The following CNTNAP2 variants were observed in gnomAD, a reference collection of about 807,000 sequenced individuals.
The protein encoded by CNTNAP2 is contactin associated protein 2.
A neutral mutation model predicts 155.2 loss-of-function variants in CNTNAP2; 98 were observed. The ratio of observed to expected loss-of-function variants is 0.63; its 90% CI spans 0.54 to 0.75. The LOEUF is 0.75. CNTNAP2 is among the 30% of genes least tolerant of loss of function. The probability of loss-of-function intolerance (pLI) is 0.00; values close to 1 mark genes in which losing one functional copy is unlikely to be tolerated. For missense variants in CNTNAP2, 1,727 were observed against 1,688.1 expected, an observed-to-expected ratio of 1.02 and a Z score of -0.40; for synonymous variants, 651 against 631.2, an observed-to-expected ratio of 1.03 and a Z score of -0.47.
intron 3 of CNTNAP2, among the ~76,000 whole-genome samples, chr7:146,983,220 A>C (rs1047379792): frequency 1.3e-5 from 2 of 152,190 alleles, no homozygotes; most frequent in African/African-American, 4.8e-5. Flanking sequence ...TTCTGCTGAA[A>C]GATTCTGCTG....
At chr7:148,394,078 CT>C (rs1295753300) in intron 22 of CNTNAP2, among the ~76,000 whole-genome samples, 2 of 151,604 alleles carry the variant, frequency 1.3e-5, no homozygotes, top group African/African-American at 4.8e-5. Context: ...TGTTTTATGG[CT>C]TTTGGGTTTT....
intron 21 of CNTNAP2, among the ~76,000 whole-genome samples, chr7:148,358,894 G>C (rs1013998179): frequency 3.3e-5 from 5 of 152,124 alleles, no homozygotes; most frequent in African/African-American, 1.2e-4. Flanking sequence ...TAAGACATCA[G>C]TTACTTTTTT....
At position 148,415,762 on chromosome 7, in the gene CNTNAP2, T is replaced by A; in HGVS notation, c.*146T>A. The A allele has an allele frequency of 1.2e-6, 1 of 853,450 alleles. No homozygotes were observed. Among genetic ancestry groups the A allele is most frequent in the Non-Finnish European group, 1.8e-6 (1 of 543,766 alleles). 52.9% of individuals were successfully genotyped at this position (853,450 alleles called of 1,614,324 possible). On this transcript the variant is annotated 3_prime_UTR_variant, in exon 24 of 24. Transcript: ENST00000361727. ...AGGCAGGCAATGGAATATAATGGAATATTCTTGAGACTGATCACAAAAAAA... is the reference window on the plus strand; with the variant it reads ...AGGCAGGCAATGGAATATAATGGAAAATTCTTGAGACTGATCACAAAAAAA...
chr7:147,292,646 C>CAGACAAG (rs1451314987), intron 8 of CNTNAP2, among the ~76,000 whole-genome samples: 1 of 152,150 alleles, frequency 6.6e-6, no homozygotes, highest in East Asian at 1.9e-4. Flanking sequence ...CTCTCATGTG[C>CAGACAAG]AGACAAGATA....
chr7:147,727,458 T>G (rs1244767327), intron 13 of CNTNAP2, among the ~76,000 whole-genome samples: 4 of 152,126 alleles, frequency 2.6e-5, no homozygotes, highest in Non-Finnish European at 5.9e-5. Flanking sequence ...AATTTTTATC[T>G]GATTATTCCA....
intron 16 of CNTNAP2, among the ~76,000 whole-genome samples, chr7:148,120,804 G>T (rs1310925008): frequency 1.3e-5 from 2 of 151,992 alleles, no homozygotes; most frequent in East Asian, 3.9e-4. Flanking sequence ...AACCAGAGAG[G>T]GTGGAAAGAC....
chr7:148,086,256 C>T (rs1011467911), intron 15 of CNTNAP2, among the ~76,000 whole-genome samples: 1 of 152,132 alleles, frequency 6.6e-6, no homozygotes, highest in Non-Finnish European at 1.5e-5. Flanking sequence ...CTTCTCTTTG[C>T]ACTTTCTTTA....
chr7:147,938,039 G>C (rs1379990970), intron 14 of CNTNAP2, among the ~76,000 whole-genome samples: 1 of 152,106 alleles, frequency 6.6e-6, no homozygotes, highest in Non-Finnish European at 1.5e-5. Flanking sequence ...ATGACTTTCA[G>C]CAGGAGTAAC....
chr7:147,300,063 C>A (rs1242249566), intron 8 of CNTNAP2, 78 bp from the exon 9 acceptor site: 23 of 1,444,496 alleles, frequency 1.6e-5, no homozygotes, highest in Non-Finnish European at 2.1e-5. Context: ...TTTGTAAAAT[C>A]GTGATTTGTT....
chr7:146,169,753 A>G (rs1251102438), intron 1 of CNTNAP2, among the ~76,000 whole-genome samples: 1 of 151,162 alleles, frequency 6.6e-6, no homozygotes, highest in Non-Finnish European at 1.5e-5. Context: ...TTTATTTAAC[A>G]TAATATATTC....
chr7:147,947,054 G>C (rs1051426985), intron 14 of CNTNAP2, among the ~76,000 whole-genome samples: 1 of 152,118 alleles, frequency 6.6e-6, no homozygotes, highest in Non-Finnish European at 1.5e-5. Flanking sequence ...CTGGGACAAA[G>C]TTCCTCTGAG....
At chr7:147,647,591 T>C (rs1795387519) in intron 13 of CNTNAP2, among the ~76,000 whole-genome samples, 1 of 152,148 alleles carries the variant, frequency 6.6e-6, no homozygotes, top group African/African-American at 2.4e-5. Context: ...TCTTCATTGT[T>C]TTCTGGTGTT....
chr7:147,336,471 A>T (rs1362410462), intron 9 of CNTNAP2, among the ~76,000 whole-genome samples: 1 of 152,140 alleles, frequency 6.6e-6, no homozygotes. Context: ...AGACCTTAAG[A>T]CACTTGGGGT....
intron 9 of CNTNAP2, among the ~76,000 whole-genome samples, chr7:147,381,042 G>A (rs1043753483): frequency 6.6e-6 from 1 of 151,806 alleles, no homozygotes; most frequent in Non-Finnish European, 1.5e-5. Flanking sequence ...ATTTTTAAAC[G>A]TGAGAAACTT....
intron 3 of CNTNAP2, among the ~76,000 whole-genome samples, chr7:146,908,808 G>C (rs898647717): frequency 7.6e-6 from 1 of 131,536 alleles, no homozygotes; most frequent in South Asian, 2.5e-4. Context: ...AATCAGAGCA[G>C]AACTGAAGGA....
chr7:148,096,279 ATGTGTGTGTGTGTG>A (rs3056207), intron 15 of CNTNAP2, among the ~76,000 whole-genome samples: 4 of 144,820 alleles, frequency 2.8e-5, no homozygotes, highest in South Asian at 2.2e-4. Context: ...GCATGCATGC[ATGTGTGTGTGTGTG>A]TGTGTGTGTG....
At chr7:147,919,490 G>A (rs1223692728) in intron 14 of CNTNAP2, among the ~76,000 whole-genome samples, 1 of 18,852 alleles carries the variant, frequency 5.3e-5, no homozygotes, top group Admixed American at 8.9e-4. Context: ...ACAGAGTCTT[G>A]CTCTGTCTCC....
intron 4 of CNTNAP2, among the ~76,000 whole-genome samples, chr7:147,058,542 T>C (rs1799605359): frequency 6.6e-6 from 1 of 152,198 alleles, no homozygotes; most frequent in Non-Finnish European, 1.5e-5. Flanking sequence ...AACAAATCAA[T>C]AAAATAACTT....
chr7:147,755,140 C>A (rs910096919), intron 13 of CNTNAP2, among the ~76,000 whole-genome samples: 15 of 152,066 alleles, frequency 9.9e-5, no homozygotes, highest in African/African-American at 3.4e-4. Context: ...GAAAAATTAA[C>A]CCTGCTAACT....
Sources: allele counts gnomAD v4.1 joint callset (sites outside exome capture counted in the v4.1 genomes callset), GRCh38; gene constraint gnomAD v4.1.1; transcripts MANE v1.5; gene names NCBI Gene and HGNC (gene_info 2026-07-23, HGNC 2026-07-21).